The following PIK3C3 variants were observed in gnomAD, a reference collection of about 807,000 sequenced individuals.
PIK3C3 encodes the protein phosphatidylinositol 3-kinase catalytic subunit type 3.
In PIK3C3, 95 loss-of-function variants were observed where a neutral mutation model predicts 126.1. That is an observed-to-expected ratio of 0.75 (90% CI 0.64 to 0.89). The LOEUF is 0.89. Among genes scored for constraint, PIK3C3 ranks in the 40% least tolerant of loss-of-function variants. PIK3C3 has a pLI of 0.00. For missense variants in PIK3C3, 829 were observed against 1,063.2 expected (o/e 0.78, Z 3.06); for synonymous variants, 374 against 360.0 (o/e 1.04, Z -0.44).
intron 21 of PIK3C3, among the ~76,000 whole-genome samples, chr18:42,052,137 T>C (rs1984834897): frequency 6.6e-6 from 1 of 152,050 alleles, no homozygotes; most frequent in Admixed American, 6.5e-5. Context: ...TGTTATACTT[T>C]GAAAAGTGCC....
At chr18:41,960,983 C>G (rs1440775295) in intron 2 of PIK3C3, among the ~76,000 whole-genome samples, 1 of 152,088 alleles carries the variant, frequency 6.6e-6, no homozygotes, top group East Asian at 1.9e-4. Flanking sequence ...CTCAAGTGAT[C>G]TGCCTGCCTC....
chr18:42,010,300 G>A (rs1982762333), intron 10 of PIK3C3, among the ~76,000 whole-genome samples: 4 of 152,084 alleles, frequency 2.6e-5, no homozygotes, highest in African/African-American at 9.7e-5. Flanking sequence ...CACATGTTCA[G>A]GCTGCACCTC....
At position 42,086,917 on chromosome 18, in the gene PIK3C3, G is replaced by A. The variant is rs1986411891; in HGVS notation, c.*5780G>A. The A allele has an allele frequency of 6.6e-6, 1 of 152,124 alleles. No individual in the cohort carries two copies. Among genetic ancestry groups the A allele is most frequent in the Non-Finnish European group, 1.5e-5 (1 of 68,024 alleles). The allele number at this position is 152,124 out of a possible 1,614,324, so 9.4% of individuals were successfully genotyped here. Reference sequence around the variant, plus strand: ...TGGACTCCCCTGAATTCTTCTGCAGGAGATCCAAGAACCCTCTCTTGGAGT... The same window carrying A: ...TGGACTCCCCTGAATTCTTCTGCAGAAGATCCAAGAACCCTCTCTTGGAGT... On this transcript the variant is annotated 3_prime_UTR_variant, in exon 25 of 25. Coordinates refer to ENST00000262039, the MANE Select transcript of PIK3C3 (RefSeq NM_002647.4).
chr18:41,970,280 G>T, intron 3 of PIK3C3, 47 bp from the exon 4 acceptor site: 1 of 1,551,748 alleles, frequency 6.4e-7, no homozygotes, highest in South Asian at 1.1e-5. Context: ...TTCCTGTAAT[G>T]AACTGTATTA....
chr18:41,993,346 G>C lies in PIK3C3; in HGVS notation c.786+5G>C. ...CCTGACCCCCAGATGTCTATGGTAA[G>C]TTATTGTGCAATTTTTTTATGAAAG... On this transcript the variant is annotated splice_donor_5th_base_variant and intron_variant, in intron 7 of 24. Transcript: ENST00000262039. 1 of 1,581,896 alleles carries C rather than the reference G, an allele frequency of 6.3e-7. No homozygotes were observed. The highest frequency in any genetic ancestry group is 8.7e-7 in the Non-Finnish European group (1 of 1,155,028).
intron 24 of PIK3C3, among the ~76,000 whole-genome samples, chr18:42,078,993 A>T (rs952052629): frequency 7.2e-5 from 11 of 152,226 alleles, no homozygotes; most frequent in African/African-American, 2.7e-4. Flanking sequence ...CATATCAGCA[A>T]TAAAGCTGTT....
At chr18:42,027,649 ATTTATT>A (rs1161846977) in intron 14 of PIK3C3, 101 bp downstream of exon 14, 1 of 482,792 alleles carries the variant, frequency 2.1e-6, no homozygotes, top group Non-Finnish European at 3.6e-6. Flanking sequence ...GGTTTTATAT[ATTTATT>A]TTTATTTTTA....
chr18:42,003,474 G>C (rs993677323), intron 9 of PIK3C3, among the ~76,000 whole-genome samples: 1 of 152,090 alleles, frequency 6.6e-6, no homozygotes, highest in African/African-American at 2.4e-5. Flanking sequence ...ATGAGTTCTT[G>C]CTGTGTTGCT....
At chr18:42,030,037 G>A (rs920779880) in intron 15 of PIK3C3, among the ~76,000 whole-genome samples, 4 of 152,090 alleles carry the variant, frequency 2.6e-5, no homozygotes, top group African/African-American at 9.7e-5. Flanking sequence ...ATATTGGAGT[G>A]GGGATTTGTA....
At chr18:42,008,328 G>A (rs533575041) in intron 10 of PIK3C3, among the ~76,000 whole-genome samples, 5 of 152,212 alleles carry the variant, frequency 3.3e-5, no homozygotes, top group South Asian at 2.1e-4. Context: ...GAATTTTTAC[G>A]TTTGGAGTTT....
chr18:42,053,685 T>C (rs543626789), intron 21 of PIK3C3, among the ~76,000 whole-genome samples: 5 of 152,258 alleles, frequency 3.3e-5, no homozygotes, highest in Non-Finnish European at 5.9e-5. Context: ...AAATGAAACA[T>C]GGTTTGAGTT....
chr18:42,047,375 G>A (rs1984604618), intron 20 of PIK3C3, among the ~76,000 whole-genome samples: 1 of 152,174 alleles, frequency 6.6e-6, no homozygotes, highest in Admixed American at 6.5e-5. Context: ...AGTGTACTAA[G>A]TTCTCATATG....
At chr18:42,027,209 G>T (rs957325279) in intron 13 of PIK3C3, 1 of 229,018 alleles carries the variant, frequency 4.4e-6, no homozygotes. Context: ...TAGAAAATTT[G>T]GGATATTACA....
At chr18:41,972,072 C>T (rs113547820) in intron 4 of PIK3C3, among the ~76,000 whole-genome samples, 85 of 152,120 alleles carry the variant, frequency 5.6e-4, no homozygotes, top group African/African-American at 1.9e-3. Context: ...GAATTAGTCC[C>T]AGTTGGACTG....
rs142625565 is a variant in PIK3C3, at chr18:41,980,351, G to A, written c.532-7461G>A. Among the ~76,000 whole-genome samples, 509 of 151,962 alleles carry A rather than the reference G, an allele frequency of 3.3e-3. 3 individuals are homozygous for A. Among genetic ancestry groups the A allele is most frequent in the African/African-American group, 0.012 (481 of 41,420 alleles). On this transcript the variant is annotated intron_variant, in intron 4 of 24. Coordinates refer to ENST00000262039, the MANE Select transcript of PIK3C3 (RefSeq NM_002647.4). ...TAGCTCAAGTAGCTTGATAATCTTC[G>A]GTTTTCTATTTTCTAATCAACTGCC...
At chr18:42,037,883 C>T in intron 17 of PIK3C3, 63 bp downstream of exon 17, 1 of 1,435,068 alleles carries the variant, frequency 7.0e-7, no homozygotes, top group South Asian at 1.2e-5. Flanking sequence ...TGGCTTAGTT[C>T]ATTTGCTGTT....
At chr18:41,964,237 G>A (rs528123603) in intron 3 of PIK3C3, among the ~76,000 whole-genome samples, 1 of 152,204 alleles carries the variant, frequency 6.6e-6, no homozygotes, top group East Asian at 1.9e-4. Flanking sequence ...ATCTTATCCA[G>A]CTATTTTAAA....
intron 11 of PIK3C3, among the ~76,000 whole-genome samples, chr18:42,015,167 A>G (rs951191817): frequency 6.6e-6 from 1 of 152,168 alleles, no homozygotes; most frequent in Non-Finnish European, 1.5e-5. Flanking sequence ...TCTTGGCCAG[A>G]TATGTTTGGG....
chr18:41,993,329 C>T lies in PIK3C3; in HGVS notation c.774C>T (p.Pro258=). The change falls in exon 7 of 25, where the codon CCC becomes CCT. Residue 258 remains proline (P), a synonymous_variant. Coordinates refer to ENST00000262039, the MANE Select transcript of PIK3C3 (RefSeq NM_002647.4). The part of the protein sequence containing the change: ...TSFELVKVPD[P]QMSMENLVES... ...TTGAATTAGTGAAAGTTCCTGACCC[C>T]CAGATGTCTATGGTAAGTTATTGTG... is the stretch of plus-strand genomic sequence containing the variant. The T allele has an allele frequency of 6.2e-7, 1 of 1,604,876 alleles. No individual in the cohort carries two copies. The highest frequency in any genetic ancestry group is 1.7e-4 in the Middle Eastern group (1 of 6,030).
Sources: allele counts gnomAD v4.1 joint callset (sites outside exome capture counted in the v4.1 genomes callset), GRCh38; gene constraint gnomAD v4.1.1; transcripts MANE v1.5; gene names NCBI Gene and HGNC (gene_info 2026-07-23, HGNC 2026-07-21).